The following BCAS3 variants were observed in gnomAD, a reference collection of about 807,000 sequenced individuals.
The protein encoded by BCAS3 is BCAS4/BCAS3 fusion.
BCAS3 carries 53 observed loss-of-function variants against 116.1 expected under a neutral mutation model. The ratio of observed to expected loss-of-function variants is 0.46; its 90% CI spans 0.37 to 0.57. The LOEUF (loss-of-function observed/expected upper bound fraction) is 0.57, where lower values mean the gene tolerates loss of function less well. Among genes scored for constraint, BCAS3 ranks in the 20% least tolerant of loss-of-function variants. The pLI is 0.00. For synonymous variants in BCAS3, 391 were observed against 408.2 expected, an observed-to-expected ratio of 0.96 and a Z score of 0.51; for missense variants, 917 against 1,165.4, an observed-to-expected ratio of 0.79 and a Z score of 3.10.
chr17:61,382,211 C>G (rs535893017), intron 23 of BCAS3, among the ~76,000 whole-genome samples: 1 of 151,652 alleles, frequency 6.6e-6, no homozygotes, highest in Admixed American at 6.6e-5. Context: ...GCCTGTAATC[C>G]CAGCTACTTG....
At chr17:60,866,458 G>A (rs1485151905) in intron 7 of BCAS3, among the ~76,000 whole-genome samples, 2 of 151,576 alleles carry the variant, frequency 1.3e-5, no homozygotes, top group Admixed American at 1.3e-4. Context: ...ATGAGTTTTG[G>A]GTGTATATTT....
intron 6 of BCAS3, among the ~76,000 whole-genome samples, chr17:60,758,126 T>A (rs1208916704): frequency 6.6e-6 from 1 of 152,246 alleles, no homozygotes; most frequent in East Asian, 1.9e-4. Context: ...TCTGTTTTTA[T>A]ACCAATATCA....
rs1351513989 is a variant in BCAS3 at position 60,961,241 on chromosome 17, A to T, written c.1221+13889A>T. ...TTTGTCATTTAGCTATGATGGAATG[A>T]TAGGAACTGGATTAAACCTCTGTAT... On this transcript the variant is annotated intron_variant, in intron 14 of 23. Transcript: ENST00000407086. This position sits in a 1 kb window ranked among gnomAD's most constrained non-coding sequence, Gnocchi z 4.8. 6.6e-6 allele frequency among the ~76,000 whole-genome samples: 1 copy of T among 152,200 alleles called. No homozygotes were observed. The highest frequency in any genetic ancestry group is 1.5e-5 in the Non-Finnish European group (1 of 68,038).
chr17:61,253,063 A>T (rs921071947), intron 22 of BCAS3, among the ~76,000 whole-genome samples: 1 of 151,094 alleles, frequency 6.6e-6, no homozygotes, highest in African/African-American at 2.4e-5. Flanking sequence ...TGTAGTAGGG[A>T]TGGGGTTCCA....
At chr17:61,119,490 G>T (rs977519289) in intron 22 of BCAS3, among the ~76,000 whole-genome samples, 4 of 152,016 alleles carry the variant, frequency 2.6e-5, no homozygotes, top group Admixed American at 6.6e-5. Context: ...TTATTTATGA[G>T]ATTTATTCTG....
chr17:60,730,864 T>TA (rs1352325528), intron 5 of BCAS3, among the ~76,000 whole-genome samples: 1 of 152,146 alleles, frequency 6.6e-6, no homozygotes, highest in African/African-American at 2.4e-5. Flanking sequence ...AAAATGAAAA[T>TA]ATATTATCAA....
At position 61,228,794 on chromosome 17, in the gene BCAS3, G is replaced by T. The variant is rs2082506539; in HGVS notation, c.2426-139533G>T. On this transcript the variant is annotated intron_variant, in intron 22 of 23. Transcript: ENST00000407086. This position sits in a 1 kb window ranked among gnomAD's most constrained non-coding sequence, Gnocchi z 5.0. ...ATGAGCCACAATAATATTGAAATTG[G>T]GCCAATTAATACCCCTACAATGGCC... Among the ~76,000 whole-genome samples the T allele has an allele frequency of 6.6e-6, 1 of 151,952 alleles. No homozygotes were observed. Among genetic ancestry groups the T allele is most frequent in the South Asian group, 2.1e-4 (1 of 4,792 alleles).
rs541994780 is a variant in BCAS3 at position 61,119,853 on chromosome 17, A to G, written c.2425+35289A>G. Among the ~76,000 whole-genome samples the G allele has an allele frequency of 2.0e-5, 3 of 152,230 alleles. No homozygotes were observed. The East Asian group carries it at 5.8e-4, about 29-fold the overall frequency. ...TATTTCTATAAACAAGTGAAAGCTA[A>G]TTAGACGGTTGAATTCTTTAGAATA... On this transcript the variant is annotated intron_variant, in intron 22 of 23. Coordinates refer to ENST00000407086, the MANE Select transcript of BCAS3 (RefSeq NM_017679.5).
intron 14 of BCAS3, among the ~76,000 whole-genome samples, chr17:60,978,303 T>C (rs2062558069): frequency 6.8e-6 from 1 of 146,256 alleles, no homozygotes; most frequent in Admixed American, 6.7e-5. Context: ...ATGTCTTCTT[T>C]TGAGAAGTGT....
chr17:61,170,433 C>G (rs183183187), intron 22 of BCAS3, among the ~76,000 whole-genome samples: 1 of 151,714 alleles, frequency 6.6e-6, no homozygotes, highest in Non-Finnish European at 1.5e-5. Flanking sequence ...GCTGGGACTA[C>G]GGGTGCCCAC....
At chr17:60,879,404 T>C (rs1567773847) in intron 9 of BCAS3, among the ~76,000 whole-genome samples, 1 of 152,182 alleles carries the variant, frequency 6.6e-6, no homozygotes, top group Non-Finnish European at 1.5e-5. Flanking sequence ...TGGGAATTTG[T>C]GCCAAAGGGT....
chr17:60,834,977 T>C (rs909178011), intron 7 of BCAS3, among the ~76,000 whole-genome samples: 4 of 151,050 alleles, frequency 2.6e-5, no homozygotes, highest in Non-Finnish European at 4.4e-5. Flanking sequence ...TAGGGAACTT[T>C]ATGATGTATT....
intron 22 of BCAS3, among the ~76,000 whole-genome samples, chr17:61,112,689 G>A (rs1044982828): frequency 2.8e-5 from 4 of 144,802 alleles, no homozygotes; most frequent in African/African-American, 1.0e-4. Flanking sequence ...GAGACAGAAA[G>A]TCAACAAGGA....
intron 13 of BCAS3, among the ~76,000 whole-genome samples, chr17:60,937,760 TTCTG>T (rs928485445): frequency 5.9e-5 from 9 of 152,218 alleles, no homozygotes; most frequent in African/African-American, 2.2e-4. Flanking sequence ...TTACTATCCC[TTCTG>T]TCTACCAAAT....
At position 60,962,560 on chromosome 17, in the gene BCAS3, G is replaced by T. The variant is rs181179497; in HGVS notation, c.1221+15208G>T. 1.3e-5 allele frequency among the ~76,000 whole-genome samples: 2 copies of T among 152,010 alleles called. No individual in the cohort carries two copies. Among genetic ancestry groups the T allele is most frequent in the Admixed American group, 1.3e-4 (2 of 15,250 alleles). On this transcript the variant is annotated intron_variant, in intron 14 of 23. Transcript: ENST00000407086. This position sits in a 1 kb window ranked among gnomAD's most constrained non-coding sequence, Gnocchi z 4.4. ...TTTTCTTTTGTTTCTAATGGGGTTG[G>T]ATTTTGCCCATTTTAAAATTGGATT...
chr17:60,885,870 C>G (rs935295183), intron 9 of BCAS3, among the ~76,000 whole-genome samples: 33 of 145,832 alleles, frequency 2.3e-4, no homozygotes, highest in Non-Finnish European at 4.0e-4. Context: ...CTCTGGCTGC[C>G]CTTAACATTT....
In BCAS3 at chr17:60,990,064, G is replaced by T. The variant is rs766506244; in HGVS notation, c.1315G>T (p.Gly439Cys). The change falls in exon 15 of 24, where the codon GGC (glycine) becomes TGC (cysteine). Residue 439 changes from glycine to cysteine, a missense_variant. By Grantham distance (159) the Gly-to-Cys change is radical (BLOSUM62 -3). Coordinates refer to ENST00000407086, the MANE Select transcript of BCAS3 (RefSeq NM_017679.5). This position sits in a 1 kb window ranked among gnomAD's most constrained non-coding sequence, Gnocchi z 5.1. ...SHVFPINPYG[G>C]QPCVRTHMSP... Reference sequence around the variant, plus strand: ...CGTTTTCCCCATCAACCCTTATGGTGGCCAGCCTTGTGTTCGTACACATAT... The same window carrying T: ...CGTTTTCCCCATCAACCCTTATGGTTGCCAGCCTTGTGTTCGTACACATAT... The T allele has an allele frequency of 6.2e-7, 1 of 1,614,174 alleles. No individual in the cohort carries two copies. Among genetic ancestry groups the T allele is most frequent in the South Asian group, 1.1e-5 (1 of 91,082 alleles).
intron 7 of BCAS3, among the ~76,000 whole-genome samples, chr17:60,811,920 G>A (rs995766995): frequency 6.6e-6 from 1 of 152,138 alleles, no homozygotes; most frequent in Non-Finnish European, 1.5e-5. Context: ...GGGCATGATG[G>A]CACACGCCTG....
chr17:60,947,203 G>GT lies in BCAS3; in HGVS notation c.1088-10dup. ...ATAATCATTTTTATTTTTACCCTTT[G>GT]TTTTTTGTCTTCCAGGAATGCTTCT... is the stretch of plus-strand genomic sequence containing the variant. On this transcript the variant is annotated splice_polypyrimidine_tract_variant and intron_variant, in intron 13 of 23. Coordinates refer to ENST00000407086, the MANE Select transcript of BCAS3 (RefSeq NM_017679.5). 3 of 1,601,836 alleles carry GT rather than the reference G, an allele frequency of 1.9e-6. No individual in the cohort carries two copies. Among genetic ancestry groups the GT allele is most frequent in the Non-Finnish European group, 2.6e-6 (3 of 1,172,364 alleles).
Sources: gnomAD v4.1 joint callset for allele counts (sites outside exome capture counted in the v4.1 genomes callset) on GRCh38, gnomAD v4.1.1 for gene constraint, Gnocchi (gnomAD v3.1) non-coding constraint, MANE v1.5 for transcripts, NCBI Gene and HGNC (gene_info 2026-07-23, HGNC 2026-07-21) for gene names.